The following PTGFR variants were observed in gnomAD, a reference collection of about 807,000 sequenced individuals.
PTGFR encodes prostaglandin F receptor, also known as prostaglandin F2-alpha receptor.
In PTGFR, 15 loss-of-function variants were observed where a neutral mutation model predicts 26.2. The observed-to-expected ratio is 0.57, with a 90% confidence interval of 0.38 to 0.88. PTGFR has a LOEUF of 0.88. PTGFR is among the 40% of genes least tolerant of loss of function. The probability of loss-of-function intolerance (pLI) is 0.00; values close to 1 mark genes in which losing one functional copy is unlikely to be tolerated. For synonymous variants in PTGFR, 165 were observed against 151.1 expected (o/e 1.09, Z -0.68); for missense variants, 369 against 427.2 (o/e 0.86, Z 1.20).
chr1:78,493,632 A>T, intron 2 of PTGFR, 91 bp downstream of exon 2: 1 of 1,252,118 alleles, frequency 8.0e-7, no homozygotes, highest in Non-Finnish European at 1.1e-6. Flanking sequence ...AAATGCTGAG[A>T]ATGATCCCTA....
chr1:78,520,257 T>C (rs1369716083), intron 2 of PTGFR, among the ~76,000 whole-genome samples: 1 of 152,166 alleles, frequency 6.6e-6, no homozygotes, highest in African/African-American at 2.4e-5. Context: ...AATACAAATA[T>C]ATACTTGTTG....
chr1:78,534,101 A>C (rs1462312926), intron 2 of PTGFR, among the ~76,000 whole-genome samples: 1 of 152,222 alleles, frequency 6.6e-6, no homozygotes, highest in Non-Finnish European at 1.5e-5. Flanking sequence ...ATACAACTGT[A>C]ATGTGCCAAT....
At chr1:78,535,558 T>G (rs1191854475) in intron 2 of PTGFR, among the ~76,000 whole-genome samples, 2 of 152,176 alleles carry the variant, frequency 1.3e-5, no homozygotes, top group African/African-American at 4.8e-5. Flanking sequence ...ACCTTTTGTT[T>G]ACCTATTTCT....
chr1:78,526,855 G>A (rs1246393360), intron 2 of PTGFR, among the ~76,000 whole-genome samples: 1 of 152,092 alleles, frequency 6.6e-6, no homozygotes, highest in Admixed American at 6.6e-5. Context: ...GAACACAACT[G>A]TGCTGATCGT....
At chr1:78,492,635 A>G in intron 1 of PTGFR, 37 bp from the exon 2 acceptor site, 6 of 1,064,784 alleles carry the variant, frequency 5.6e-6, no homozygotes, top group Non-Finnish European at 8.0e-6. Context: ...ATGAGCAGTA[A>G]TGCGGTGTTC....
intron 2 of PTGFR, chr1:78,497,851 T>A: frequency 6.7e-7 from 1 of 1,491,500 alleles, no homozygotes; most frequent in Non-Finnish European, 9.3e-7. Flanking sequence ...GAAGGCCATA[T>A]GTTTGTTTTA....
At position 78,501,467 on chromosome 1, in the gene PTGFR, G is replaced by C. The variant is rs561009196; in HGVS notation, c.798+7926G>C. 1.2e-3 allele frequency among the ~76,000 whole-genome samples: 177 copies of C among 152,232 alleles called. 1 individual carries two copies. The highest frequency in any genetic ancestry group is 4.2e-3 in the African/African-American group (174 of 41,538). The stretch of plus-strand genomic sequence containing the variant: ...GCTTGTGTAAACCTGTCTCCTGTCT[G>C]TCCTCTTTTCTGGGTGTAACACAGC... On this transcript the variant is annotated intron_variant, in intron 2 of 2. Transcript: ENST00000370757.
In PTGFR at chr1:78,501,357, A is replaced by C. The variant is rs186097013; in HGVS notation, c.798+7816A>C. Reference sequence around the variant, plus strand: ...TAGCCACCCCAATTTAACCTGATACATCAGTGTCATTTATCTGTACTCAGA... The same window carrying C: ...TAGCCACCCCAATTTAACCTGATACCTCAGTGTCATTTATCTGTACTCAGA... On this transcript the variant is annotated intron_variant, in intron 2 of 2. Coordinates refer to ENST00000370757, the MANE Select transcript of PTGFR (RefSeq NM_000959.4). Among the ~76,000 whole-genome samples the C allele has an allele frequency of 2.0e-5, 3 of 152,320 alleles. No homozygotes were observed. The East Asian group carries it at 5.8e-4, about 29-fold the overall frequency.
At chr1:78,522,670 A>G (rs1181665063) in intron 2 of PTGFR, among the ~76,000 whole-genome samples, 1 of 152,056 alleles carries the variant, frequency 6.6e-6, no homozygotes, top group Non-Finnish European at 1.5e-5. Flanking sequence ...TCTAGTGATA[A>G]GCAGAAAAGA....
intron 2 of PTGFR, among the ~76,000 whole-genome samples, chr1:78,529,676 A>G (rs1650457696): frequency 6.6e-6 from 1 of 152,172 alleles, no homozygotes; most frequent in African/African-American, 2.4e-5. Flanking sequence ...GGGTGAATAC[A>G]AAAGTTTGGA....
chr1:78,509,889 T>C (rs1649924385), intron 2 of PTGFR, among the ~76,000 whole-genome samples: 1 of 152,212 alleles, frequency 6.6e-6, no homozygotes. Flanking sequence ...ATATCAACAC[T>C]CTCATCTTAA....
At position 78,539,262 on chromosome 1, in the gene PTGFR, GA is replaced by G. The variant is rs1433392723; in HGVS notation, c.*2576del. 1 of 151,832 alleles carries G rather than the reference GA, an allele frequency of 6.6e-6. No individual in the cohort carries two copies. Among genetic ancestry groups the G allele is most frequent in the African/African-American group, 2.4e-5 (1 of 41,364 alleles). The allele number at this position is 151,832 out of a possible 1,614,324, so 9.4% of individuals were successfully genotyped here. The stretch of plus-strand genomic sequence containing the variant: ...CATATGTAGATATATTTTGTTATGT[GA>G]TAAATGTTTCTTGTTTGCACACTTT... On this transcript the variant is annotated 3_prime_UTR_variant, in exon 3 of 3. Transcript: ENST00000370757.
chr1:78,539,127 T>C lies in PTGFR; in HGVS notation c.*2440T>C, dbSNP rs1650731189. 6.6e-6 allele frequency: 1 copy of C among 151,902 alleles called. No individual in the cohort carries two copies. The highest frequency in any genetic ancestry group is 2.4e-5 in the African/African-American group (1 of 41,388). The allele number at this position is 151,902 out of a possible 1,614,324, so 9.4% of individuals were successfully genotyped here. On this transcript the variant is annotated 3_prime_UTR_variant, in exon 3 of 3. Coordinates refer to ENST00000370757, the MANE Select transcript of PTGFR (RefSeq NM_000959.4). Reference sequence around the variant, plus strand: ...AAACATCAGACCTTTTACTGATGGGTTAACTAGGTGAAAGAAATGGGCCCT... The same window carrying C: ...AAACATCAGACCTTTTACTGATGGGCTAACTAGGTGAAAGAAATGGGCCCT...
intron 2 of PTGFR, among the ~76,000 whole-genome samples, chr1:78,527,680 CT>C (rs1650404726): frequency 1.3e-5 from 2 of 152,188 alleles, no homozygotes; most frequent in Admixed American, 1.3e-4. Context: ...GATGATGAGG[CT>C]GCTGAAGCAG....
intron 2 of PTGFR, among the ~76,000 whole-genome samples, chr1:78,515,579 C>A (rs571364555): frequency 4.5e-4 from 68 of 152,172 alleles, no homozygotes; most frequent in Non-Finnish European, 7.4e-4. Context: ...TGATTCAAAT[C>A]TGAGTTTTTT....
At position 78,492,696 on chromosome 1, in the gene PTGFR, G is replaced by A; in HGVS notation, c.-48G>A. On this transcript the variant is annotated 5_prime_UTR_variant, in exon 2 of 3. Coordinates refer to ENST00000370757, the MANE Select transcript of PTGFR (RefSeq NM_000959.4). The stretch of plus-strand genomic sequence containing the variant: ...GATGTCTGGACTGCAATCCTGCACA[G>A]TTTTGAGAGGGAGATGACTTGAGTG... The A allele has an allele frequency of 6.5e-7, 1 of 1,545,192 alleles. No homozygotes were observed. Among genetic ancestry groups the A allele is most frequent in the South Asian group, 1.2e-5 (1 of 80,748 alleles).
At chr1:78,514,495 A>G (rs993379921) in intron 2 of PTGFR, among the ~76,000 whole-genome samples, 2 of 152,188 alleles carry the variant, frequency 1.3e-5, no homozygotes, top group African/African-American at 2.4e-5. Context: ...GTATCTTGGA[A>G]CTAAATAACT....
chr1:78,536,016 ATT>A (rs1232426840), intron 2 of PTGFR, among the ~76,000 whole-genome samples: 1 of 152,146 alleles, frequency 6.6e-6, no homozygotes, highest in Non-Finnish European at 1.5e-5. Flanking sequence ...TTGTAAAACT[ATT>A]TGTTAGCTTA....
At position 78,493,395 on chromosome 1, in the gene PTGFR, T is replaced by C. The variant is rs1170088728; in HGVS notation, c.652T>C (p.Leu218=). ...LGLLALGVSL[L]CNAITGITLL... is the part of the protein sequence containing the mutation. ...GCTCTTAGCCCTTGGTGTTTCATTG[T>C]TGTGCAATGCAATCACAGGAATTAC... The change falls in exon 2 of 3, where the codon TTG becomes CTG. Residue 218 remains leucine, a synonymous_variant. Transcript: ENST00000370757. The C allele has an allele frequency of 2.5e-6, 4 of 1,613,740 alleles. No homozygotes were observed. The highest frequency in any genetic ancestry group is 2.7e-5 in the African/African-American group (2 of 74,888).
Sources: gnomAD v4.1 joint callset for allele counts (sites outside exome capture counted in the v4.1 genomes callset) on GRCh38, gnomAD v4.1.1 for gene constraint, MANE v1.5 for transcripts, NCBI Gene and HGNC (gene_info 2026-07-23, HGNC 2026-07-21) for gene names.